CRMP1: variants seen among roughly 807,000 people sequenced by gnomAD.
CRMP1 encodes dihydropyrimidinase-related protein 1.
CRMP1 carries 19 observed loss-of-function variants against 68.3 expected under a neutral mutation model. The observed-to-expected ratio is 0.28, with a 90% CI of 0.19 to 0.41. CRMP1 has a LOEUF of 0.41. Ranked by LOEUF, CRMP1 falls within the 10% of genes least tolerant of loss-of-function variation. CRMP1 has a pLI of 1.00. For synonymous variants in CRMP1, 439 were observed against 399.6 expected (o/e 1.10, Z -1.18); for missense variants, 791 against 967.4 (o/e 0.82, Z 2.42).
chr4:5,844,745 C>G (rs1366734960), intron 6 of CRMP1, among the ~76,000 whole-genome samples: 1 of 152,212 alleles, frequency 6.6e-6, no homozygotes, highest in Non-Finnish European at 1.5e-5. Flanking sequence ...CTGGACCTCT[C>G]TCACACTGGT....
chr4:5,825,872 T>A lies in CRMP1; in HGVS notation c.1804-213A>T. 1.9e-6 allele frequency: 1 copy of A among 520,286 alleles called. No homozygotes were observed. 32.2% of individuals were successfully genotyped at this position (520,286 alleles called of 1,614,324 possible). A position where few individuals can be genotyped will look rare whatever the true frequency, so the allele number is the denominator to read the frequency against. The stretch of plus-strand genomic sequence containing the variant: ...ACACACAAGCATGCATACACACACA[T>A]CTACATACCCACATGCATACACATA... On this transcript the variant is annotated intron_variant, in intron 12 of 13. Transcript: ENST00000324989. This position sits in a 1 kb window ranked among gnomAD's most constrained non-coding sequence, Gnocchi z 4.4.
chr4:5,859,134 C>T lies in CRMP1; in HGVS notation c.655+1892G>A, dbSNP rs950737520. On this transcript the variant is annotated intron_variant, in intron 3 of 13. Coordinates refer to ENST00000324989, the MANE Select transcript of CRMP1 (RefSeq NM_001014809.3). This position sits in a 1 kb window ranked among gnomAD's most constrained non-coding sequence, Gnocchi z 5.2. Reference sequence around the variant, plus strand: ...CAAGAGATGGCAGTCCCCTTGACAACGAGCATCATTCCTGCTTTTGTTCAC... The same window carrying T: ...CAAGAGATGGCAGTCCCCTTGACAATGAGCATCATTCCTGCTTTTGTTCAC... 2.6e-5 allele frequency among the ~76,000 whole-genome samples: 4 copies of T among 152,202 alleles called. No individual in the cohort carries two copies. The highest frequency in any genetic ancestry group is 4.1e-4 in the South Asian group (2 of 4,824).
At chr4:5,835,768 C>T (rs976016083) in intron 11 of CRMP1, 147 bp downstream of exon 11, 5 of 963,210 alleles carry the variant, frequency 5.2e-6, no homozygotes, top group South Asian at 3.9e-5. Context: ...ATCTCTCCAA[C>T]TGGAGGAGAA....
rs1268157525 is a variant in CRMP1, at chr4:5,841,046, GAATT to G, written c.1153+258_1153+261del. 2.0e-5 allele frequency among the ~76,000 whole-genome samples: 3 copies of G among 152,148 alleles called. No homozygotes were observed. Among genetic ancestry groups the G allele is most frequent in the Non-Finnish European group, 2.9e-5 (2 of 68,028 alleles). ...ATGATTTTTACATTGATGACATGCT[GAATT>G]AATATGTGGATCCATTAGATTAAAC... On this transcript the variant is annotated intron_variant, in intron 8 of 13. Transcript: ENST00000324989. The surrounding 1 kb of genome is among the most constrained non-coding windows in gnomAD (Gnocchi z 6.9).
rs566923301 is a variant in CRMP1, at chr4:5,823,753, G to A, written c.1969+1741C>T. ...AGGCCCTCACCAGAAGCAGACGCTG[G>A]CACCGTGCTGCTTGTACAGCCTGCA... On this transcript the variant is annotated intron_variant, in intron 13 of 13. Transcript: ENST00000324989. Among the ~76,000 whole-genome samples, 7 of 152,278 alleles carry A rather than the reference G, an allele frequency of 4.6e-5. No individual in the cohort carries two copies. The East Asian group carries it at 1.3e-3, about 29-fold the overall frequency.
chr4:5,880,135 C>G (rs1421590303), intron 1 of CRMP1, among the ~76,000 whole-genome samples: 2 of 152,158 alleles, frequency 1.3e-5, no homozygotes, highest in Admixed American at 6.5e-5. Context: ...AAGAGTAAAG[C>G]AGGTTGCCAT....
chr4:5,876,784 A>G (rs1714869108), intron 1 of CRMP1, among the ~76,000 whole-genome samples: 1 of 133,936 alleles, frequency 7.5e-6, no homozygotes. Flanking sequence ...AGCATGGCCC[A>G]GCTGGTCCTC....
intron 1 of CRMP1, among the ~76,000 whole-genome samples, chr4:5,869,681 C>CAAAA (rs33973891): frequency 4.3e-5 from 4 of 92,928 alleles, no homozygotes; most frequent in Non-Finnish European, 8.4e-5. Flanking sequence ...AAGACTCCGT[C>CAAAA]AAAAAAAAAA....
chr4:5,874,949 G>A (rs529906507), intron 1 of CRMP1, among the ~76,000 whole-genome samples: 2 of 152,328 alleles, frequency 1.3e-5, no homozygotes, highest in African/African-American at 4.8e-5. Context: ...CCAAAACCCT[G>A]CTGGGCTGCA....
At position 5,821,922 on chromosome 4, in the gene CRMP1, T is replaced by C. The variant is rs1265782405; in HGVS notation, c.1970-71A>G. On this transcript the variant is annotated intron_variant, in intron 13 of 13. Coordinates refer to ENST00000324989, the MANE Select transcript of CRMP1 (RefSeq NM_001014809.3). This position sits in a 1 kb window ranked among gnomAD's most constrained non-coding sequence, Gnocchi z 4.4. The stretch of plus-strand genomic sequence containing the variant: ...AGTTCCACGCTGCTCCTGGAGGCCA[T>C]GTACTCTGCCATGCACTCCACTGGA... 5 of 1,223,164 alleles carry C rather than the reference T, an allele frequency of 4.1e-6. No homozygotes were observed. Among genetic ancestry groups the C allele is most frequent in the South Asian group, 1.4e-5 (1 of 70,284 alleles). The allele number at this position is 1,223,164 out of a possible 1,614,324, so 75.8% of individuals were successfully genotyped here.
chr4:5,862,602 AGGACAGGGTC>A (rs1713660103), intron 2 of CRMP1, among the ~76,000 whole-genome samples: 1 of 152,322 alleles, frequency 6.6e-6, no homozygotes, highest in Admixed American at 6.5e-5. Flanking sequence ...GCTCTAACAG[AGGACAGGGTC>A]GCACCCCAAA....
rs764279089 is a variant in CRMP1 at position 5,883,450 on chromosome 4, G to A, written c.381+9139C>T. Among the ~76,000 whole-genome samples, 2 of 151,866 alleles carry A rather than the reference G, an allele frequency of 1.3e-5. No individual in the cohort carries two copies. The highest frequency in any genetic ancestry group is 6.6e-5 in the Admixed American group (1 of 15,234). ...CGAATAGCTGGGATTACAGGTGCCCGCCACCATGCCTGGCTAATTTTTGTA... is the reference window on the plus strand; with the variant it reads ...CGAATAGCTGGGATTACAGGTGCCCACCACCATGCCTGGCTAATTTTTGTA... On this transcript the variant is annotated intron_variant, in intron 1 of 13. Transcript: ENST00000324989. This position sits in a 1 kb window ranked among gnomAD's most constrained non-coding sequence, Gnocchi z 4.5.
chr4:5,852,417 T>G (rs747410741), intron 4 of CRMP1, among the ~76,000 whole-genome samples: 1 of 152,336 alleles, frequency 6.6e-6, no homozygotes, highest in Non-Finnish European at 1.5e-5. Flanking sequence ...CCCTTCTGAC[T>G]TAGAGAAGGA....
At position 5,892,763 on chromosome 4, in the gene CRMP1, C is replaced by A; in HGVS notation, c.207G>T (p.Arg69=). The A allele has an allele frequency of 8.1e-7, 1 of 1,234,692 alleles. No homozygotes were observed. The highest frequency in any genetic ancestry group is 3.5e-5 in the East Asian group (1 of 28,958). The allele number at this position is 1,234,692 out of a possible 1,614,324, so 76.5% of individuals were successfully genotyped here. The part of the protein sequence containing the change: ...GSARTPRSAG[R]PDAVGLPGPG... ...GCCCTGGCAGCCCGACCGCGTCGGG[C>A]CGGCCAGCGCTGCGCGGCGTGCGCG... Residue 69 remains arginine, a synonymous_variant, in exon 1 of 14, where the codon CGG becomes CGT. Transcript: ENST00000324989. This position sits in a 1 kb window ranked among gnomAD's most constrained non-coding sequence, Gnocchi z 8.6.
intron 6 of CRMP1, among the ~76,000 whole-genome samples, chr4:5,848,475 G>A (rs1040147946): frequency 6.6e-6 from 1 of 152,186 alleles, no homozygotes; most frequent in African/African-American, 2.4e-5. Flanking sequence ...TTACAGGCGT[G>A]AGCCACAACT....
At position 5,892,818 on chromosome 4, in the gene CRMP1, T is replaced by C. The variant is rs1716014845; in HGVS notation, c.152A>G (p.Asp51Gly). The C allele has an allele frequency of 7.1e-7, 1 of 1,399,960 alleles. No individual in the cohort carries two copies. Among genetic ancestry groups the C allele is most frequent in the East Asian group, 3.4e-5 (1 of 29,836 alleles). 86.7% of individuals were successfully genotyped at this position (1,399,960 alleles called of 1,614,324 possible). The change falls in exon 1 of 14, where the codon GAC (aspartate) becomes GGC (glycine). Residue 51 changes from aspartate (D) to glycine (G), a missense_variant. By Grantham distance (94) the Asp-to-Gly change is moderately conservative. Around this residue, in one of 3 missense-constraint regions of CRMP1, gnomAD observed 193 missense variants for 186.3 expected, o/e 1.04. Coordinates refer to ENST00000324989, the MANE Select transcript of CRMP1 (RefSeq NM_001014809.3). This position sits in a 1 kb window ranked among gnomAD's most constrained non-coding sequence, Gnocchi z 8.6. The part of the protein sequence containing the change: ...GAYENKTIDF[D>G]AYSVGRRGSA... ...GCCGCGGCGGCCCACACTGTAGGCG[T>C]CGAAGTCGATGGTCTTGTTCTCGTA...
chr4:5,866,802 G>A lies in CRMP1; in HGVS notation c.382-46C>T. 1 of 1,406,342 alleles carries A rather than the reference G, an allele frequency of 7.1e-7. No homozygotes were observed. The highest frequency in any genetic ancestry group is 9.7e-7 in the Non-Finnish European group (1 of 1,029,862). 87.1% of individuals were successfully genotyped at this position (1,406,342 alleles called of 1,614,324 possible). A position where few individuals can be genotyped will look rare whatever the true frequency, so the allele number is the denominator to read the frequency against. On this transcript the variant is annotated intron_variant, in intron 1 of 13. Transcript: ENST00000324989. This position sits in a 1 kb window ranked among gnomAD's most constrained non-coding sequence, Gnocchi z 5.9. ...TTAAGGATCCTTGGTGAAAAGCCAG[G>A]ATAAAGTTTTTTCTTTTTAATTTTT...
chr4:5,861,641 C>T lies in CRMP1; in HGVS notation c.471-431G>A, dbSNP rs1042190861. ...ATGGGGAAGGAGGGAAAAGAGCCTA[C>T]GAAATGAGAAACGAAGCCCCCGGGG... On this transcript the variant is annotated intron_variant, in intron 2 of 13. Coordinates refer to ENST00000324989, the MANE Select transcript of CRMP1 (RefSeq NM_001014809.3). This position sits in a 1 kb window ranked among gnomAD's most constrained non-coding sequence, Gnocchi z 6.0. Among the ~76,000 whole-genome samples, 4 of 152,090 alleles carry T rather than the reference C, an allele frequency of 2.6e-5. No homozygotes were observed. The highest frequency in any genetic ancestry group is 4.8e-5 in the African/African-American group (2 of 41,412).
In CRMP1 at chr4:5,888,583, C is replaced by T. The variant is rs1032144827; in HGVS notation, c.381+4006G>A. ...GGAGCGAAGCCGGATTCGCCCCTCTCGGCTCGAACCAGGAAGCGCTTCCCT... is the reference window on the plus strand; with the variant it reads ...GGAGCGAAGCCGGATTCGCCCCTCTTGGCTCGAACCAGGAAGCGCTTCCCT... On this transcript the variant is annotated intron_variant, in intron 1 of 13. Transcript: ENST00000324989. This position sits in a 1 kb window ranked among gnomAD's most constrained non-coding sequence, Gnocchi z 6.4. 2 of 1,079,332 alleles carry T rather than the reference C, an allele frequency of 1.9e-6. No homozygotes were observed. Among genetic ancestry groups the T allele is most frequent in the South Asian group, 4.5e-5 (1 of 22,154 alleles). The allele number at this position is 1,079,332 out of a possible 1,614,324, so 66.9% of individuals were successfully genotyped here. A position where few individuals can be genotyped will look rare whatever the true frequency, so the allele number is the denominator to read the frequency against.
Sources: allele counts gnomAD v4.1 joint callset (sites outside exome capture counted in the v4.1 genomes callset), GRCh38; gene constraint gnomAD v4.1.1; regional missense constraint gnomAD v4.1.1; non-coding constraint Gnocchi (gnomAD v3.1); transcripts MANE v1.5; gene names NCBI Gene and HGNC (gene_info 2026-07-23, HGNC 2026-07-21).